Variants in PABPC4L observed in about 807,000 individuals in gnomAD.
The protein encoded by PABPC4L is poly(A) binding protein cytoplasmic 4 like.
For synonymous variants in PABPC4L, 169 were observed against 164.1 expected (o/e 1.03, Z -0.23); for missense variants, 452 against 451.4 (o/e 1.00, Z -0.01).
chr4:134,144,967 C>G, the PABPC4L span, among the ~76,000 whole-genome samples: 2 of 151,840 alleles, frequency 1.3e-5, no homozygotes, highest in South Asian at 2.1e-4. Context: ...CATGAAATAA[C>G]TGCAAGGAGG....
chr4:134,170,607 T>C, the PABPC4L span, among the ~76,000 whole-genome samples: 1 of 152,102 alleles, frequency 6.6e-6, no homozygotes, highest in African/African-American at 2.4e-5. Flanking sequence ...AGGAGCCAGA[T>C]ACAATGAGGG....
the PABPC4L span, among the ~76,000 whole-genome samples, chr4:134,091,520 T>C: frequency 1.3e-5 from 2 of 151,972 alleles, no homozygotes; most frequent in Non-Finnish European, 2.9e-5. Context: ...AGTATAATAG[T>C]ACAATGTGAA....
the PABPC4L span, among the ~76,000 whole-genome samples, chr4:133,998,213 C>A: frequency 1.3e-4 from 19 of 151,684 alleles, no homozygotes; most frequent in Admixed American, 1.1e-3. Flanking sequence ...TATACTATTT[C>A]TAAGGCTATA....
the PABPC4L span, among the ~76,000 whole-genome samples, chr4:134,001,425 G>A: frequency 6.6e-6 from 1 of 152,008 alleles, no homozygotes; most frequent in Non-Finnish European, 1.5e-5. Flanking sequence ...TAGTCAGATG[G>A]TATTCATCCC....
the PABPC4L span, among the ~76,000 whole-genome samples, chr4:134,110,422 G>A: frequency 1.3e-5 from 2 of 151,898 alleles, no homozygotes; most frequent in Non-Finnish European, 2.9e-5. Context: ...AGCAGAGTAT[G>A]AAAAATATTT....
the PABPC4L span, among the ~76,000 whole-genome samples, chr4:134,184,194 G>A: frequency 1.3e-5 from 2 of 151,768 alleles, no homozygotes; most frequent in East Asian, 3.9e-4. Context: ...CAAATAGGGG[G>A]ATCTGATTTA....
chr4:134,184,347 G>T, the PABPC4L span, among the ~76,000 whole-genome samples: 1 of 151,948 alleles, frequency 6.6e-6, no homozygotes. Flanking sequence ...CAAGTGGATT[G>T]TATATCTAAA....
the PABPC4L span, among the ~76,000 whole-genome samples, chr4:134,157,642 A>G: frequency 6.6e-6 from 1 of 151,898 alleles, no homozygotes; most frequent in African/African-American, 2.4e-5. Context: ...TCATCATTAT[A>G]TAATCTACTT....
the PABPC4L span, among the ~76,000 whole-genome samples, chr4:134,157,730 G>T: frequency 6.6e-6 from 1 of 151,732 alleles, no homozygotes; most frequent in South Asian, 2.1e-4. Context: ...GTACATATCA[G>T]TGCATCCTTC....
the PABPC4L span, among the ~76,000 whole-genome samples, chr4:134,111,357 G>T: frequency 6.6e-6 from 1 of 151,614 alleles, no homozygotes; most frequent in African/African-American, 2.4e-5. Context: ...TTTTGGAGAG[G>T]AAAAAAACAT....
chr4:134,013,538 A>G, the PABPC4L span, among the ~76,000 whole-genome samples: 1 of 151,876 alleles, frequency 6.6e-6, no homozygotes, highest in African/African-American at 2.4e-5. Context: ...ATGCCACTTG[A>G]CCCCAATACA....
At chr4:133,951,954 A>G in the PABPC4L span, among the ~76,000 whole-genome samples, 1 of 152,026 alleles carries the variant, frequency 6.6e-6, no homozygotes, top group African/African-American at 2.4e-5. Context: ...ATTCTTTCTG[A>G]GTTTATTCTC....
At chr4:134,003,537 T>A in the PABPC4L span, among the ~76,000 whole-genome samples, 6 of 152,040 alleles carry the variant, frequency 3.9e-5, no homozygotes, top group African/African-American at 1.2e-4. Context: ...AAATCATTCA[T>A]CAATTTTTAA....
At chr4:134,063,130 G>A in the PABPC4L span, among the ~76,000 whole-genome samples, 5 of 152,012 alleles carry the variant, frequency 3.3e-5, no homozygotes, top group Admixed American at 6.6e-5. Context: ...CAAGGTCCAG[G>A]AAAGAAGAAA....
the PABPC4L span, among the ~76,000 whole-genome samples, chr4:134,147,749 GTGT>G: frequency 0.091 from 13,514 of 148,952 alleles, 662 homozygotes; most frequent in South Asian, 0.13. Context: ...GTGTGTGTGT[GTGT>G]TGTTGTTGTT....
chr4:134,045,957 T>G, the PABPC4L span, among the ~76,000 whole-genome samples: 1 of 152,168 alleles, frequency 6.6e-6, no homozygotes, highest in Non-Finnish European at 1.5e-5. Context: ...CATAAATCTT[T>G]GTTATTTTCA....
At chr4:134,022,476 T>C in the PABPC4L span, among the ~76,000 whole-genome samples, 1 of 152,044 alleles carries the variant, frequency 6.6e-6, no homozygotes, top group East Asian at 1.9e-4. Flanking sequence ...GACTGTGTAA[T>C]GTAAATTCAT....
the PABPC4L span, among the ~76,000 whole-genome samples, chr4:134,046,025 C>T: frequency 6.6e-6 from 1 of 152,048 alleles, no homozygotes; most frequent in Admixed American, 6.6e-5. Context: ...GAGTATTTCT[C>T]GTCAGGTGGG....
chr4:134,130,704 A>G, the PABPC4L span, among the ~76,000 whole-genome samples: 3 of 152,118 alleles, frequency 2.0e-5, no homozygotes, highest in Non-Finnish European at 4.4e-5. Context: ...TACCAAAACC[A>G]GAAAAGGACA....
Sources: gnomAD v4.1 joint callset for allele counts (sites outside exome capture counted in the v4.1 genomes callset) on GRCh38, gnomAD v4.1.1 for gene constraint, MANE v1.5 for transcripts, NCBI Gene and HGNC (gene_info 2026-07-23, HGNC 2026-07-21) for gene names.